PARL: variants seen among roughly 807,000 people sequenced by gnomAD.
PARL encodes presenilin associated rhomboid like, also known as presenilin-associated rhomboid-like protein, mitochondrial.
Under a neutral mutation model 51.6 loss-of-function variants are expected in PARL, and 44 were observed. That is an observed-to-expected ratio of 0.85 (90% CI 0.67 to 1.10). PARL has a LOEUF of 1.10. PARL is among the 50% of genes least tolerant of loss of function. The pLI is 0.00. For synonymous variants in PARL, 172 were observed against 164.0 expected (o/e 1.05, Z -0.37); for missense variants, 441 against 469.5 (o/e 0.94, Z 0.56).
At chr3:183,882,251 A>ATATATATATATATATATATT (rs1734591341) in intron 1 of PARL, among the ~76,000 whole-genome samples, 2 of 50,688 alleles carry the variant, frequency 3.9e-5, no homozygotes, top group East Asian at 5.3e-4. Flanking sequence ...ATATTTATAT[A>ATATATATATATATATATATT]TATATATATA....
At chr3:183,865,841 C>T (rs115127029) in intron 3 of PARL, among the ~76,000 whole-genome samples, 8 of 152,130 alleles carry the variant, frequency 5.3e-5, no homozygotes, top group African/African-American at 1.9e-4. Flanking sequence ...GAGACATCCT[C>T]CACGCAGAAA....
chr3:183,876,336 T>C, intron 1 of PARL, among the ~76,000 whole-genome samples: 1 of 152,118 alleles, frequency 6.6e-6, no homozygotes, highest in Non-Finnish European at 1.5e-5. Flanking sequence ...CGCAATCCAC[T>C]GTGCCCAAAC....
At chr3:183,859,172 T>G (rs535499529) in intron 4 of PARL, among the ~76,000 whole-genome samples, 19 of 151,924 alleles carry the variant, frequency 1.3e-4, no homozygotes, top group African/African-American at 4.6e-4. Context: ...CGGGCACTTA[T>G]AGGCTGAGGA....
At chr3:183,867,713 A>T in intron 2 of PARL, 152 bp downstream of exon 2, 1 of 666,146 alleles carries the variant, frequency 1.5e-6, no homozygotes, top group Non-Finnish European at 2.6e-6. Flanking sequence ...AAAAAAAAAA[A>T]AAATTCAGAC....
downstream of PARL, among the ~76,000 whole-genome samples, chr3:183,828,298 TCC>T (rs1448286647): frequency 5.3e-5 from 8 of 152,344 alleles, no homozygotes; most frequent in African/African-American, 1.9e-4. Context: ...AGAGGGAATG[TCC>T]CTATGAACTC....
intron 1 of PARL, among the ~76,000 whole-genome samples, chr3:183,870,565 TGGA>T (rs1427574143): frequency 6.6e-6 from 1 of 152,118 alleles, no homozygotes; most frequent in Non-Finnish European, 1.5e-5. Context: ...CCTTCTGGCC[TGGA>T]ATACGCCACC....
chr3:183,829,515 A>T lies in PARL; in HGVS notation c.*83T>A. On this transcript the variant is annotated 3_prime_UTR_variant, in exon 10 of 10. Coordinates refer to ENST00000317096, the MANE Select transcript of PARL (RefSeq NM_018622.7). ...ATGCTGGCATCTTCCAGACGGGAGC[A>T]TAGCCATGGTCACTCTAGCCGATGT... 1 of 1,613,510 alleles carries T rather than the reference A, an allele frequency of 6.2e-7. No individual in the cohort carries two copies. Among genetic ancestry groups the T allele is most frequent in the East Asian group, 2.2e-5 (1 of 44,888 alleles).
intron 7 of PARL, among the ~76,000 whole-genome samples, chr3:183,834,835 GT>G (rs1728359117): frequency 7.0e-6 from 1 of 143,182 alleles, no homozygotes; most frequent in Non-Finnish European, 1.5e-5. Flanking sequence ...GAGGTCAGGA[GT>G]TTGAGACCAG....
At chr3:183,829,838 A>C in intron 9 of PARL, 129 bp from the exon 10 acceptor site, 1 of 779,924 alleles carries the variant, frequency 1.3e-6, no homozygotes, top group Non-Finnish European at 2.3e-6. Flanking sequence ...ATTAAAACTG[A>C]CTCACATCGA....
chr3:183,828,823 CAAG>C (rs1188565721), downstream of PARL, among the ~76,000 whole-genome samples: 3 of 152,204 alleles, frequency 2.0e-5, no homozygotes, highest in South Asian at 2.1e-4. Context: ...TAAATGACTT[CAAG>C]AAGAACATAC....
chr3:183,852,777 C>A (rs982204648), intron 4 of PARL, among the ~76,000 whole-genome samples: 1 of 151,618 alleles, frequency 6.6e-6, no homozygotes. Context: ...TTAAAAAATA[C>A]AAAAAAAATT....
chr3:183,853,171 C>T (rs1023682322), intron 4 of PARL, among the ~76,000 whole-genome samples: 3 of 151,972 alleles, frequency 2.0e-5, no homozygotes, highest in Admixed American at 6.6e-5. Flanking sequence ...TCAAAAGATA[C>T]AATCAAAAGA....
chr3:183,835,637 C>G lies in PARL; in HGVS notation c.829-1812G>C, dbSNP rs530553873. On this transcript the variant is annotated intron_variant, in intron 7 of 9. Coordinates refer to ENST00000317096, the MANE Select transcript of PARL (RefSeq NM_018622.7). ...ATCCCAGCACTCTGAGGGGCCGAGG[C>G]AGGTGGATCACCTGAGGTCAGGAGT... Among the ~76,000 whole-genome samples the G allele has an allele frequency of 3.3e-5, 5 of 152,216 alleles. No homozygotes were observed. In the East Asian group the frequency reaches 9.7e-4, roughly 29 times the overall value.
chr3:183,871,984 T>C (rs893851331), intron 1 of PARL, among the ~76,000 whole-genome samples: 1 of 150,720 alleles, frequency 6.6e-6, no homozygotes, highest in African/African-American at 2.4e-5. Context: ...CTACTACTAT[T>C]ACTTGCCTAG....
intron 3 of PARL, among the ~76,000 whole-genome samples, chr3:183,864,543 G>A (rs952561453): frequency 1.3e-5 from 2 of 152,104 alleles, no homozygotes; most frequent in African/African-American, 2.4e-5. Context: ...TTTGGAGGCC[G>A]AGGTGGGCAG....
intron 1 of PARL, among the ~76,000 whole-genome samples, chr3:183,872,983 T>C (rs1292934218): frequency 6.6e-6 from 1 of 152,164 alleles, no homozygotes; most frequent in Non-Finnish European, 1.5e-5. Flanking sequence ...TAACTCCCCT[T>C]CTTATTTAAA....
chr3:183,839,740 AT>A lies in PARL; in HGVS notation c.828+829del, dbSNP rs1303830850. Among the ~76,000 whole-genome samples, 107 of 133,478 alleles carry A rather than the reference AT, an allele frequency of 8.0e-4. No homozygotes were observed. The South Asian group carries it at 9.7e-3, about 12-fold the overall frequency. 87.6% of individuals were successfully genotyped at this position (133,478 alleles called of 152,430 possible). ...AGCCTCAAAACACACTTAAAAAAAA[AT>A]TTTTTTTTTGAGATAGGGTCTTGCT... On this transcript the variant is annotated intron_variant, in intron 7 of 9. Coordinates refer to ENST00000317096, the MANE Select transcript of PARL (RefSeq NM_018622.7).
At chr3:183,829,757 A>C in intron 9 of PARL, 48 bp from the exon 10 acceptor site, 1 of 1,425,796 alleles carries the variant, frequency 7.0e-7, no homozygotes, top group Non-Finnish European at 9.9e-7. Flanking sequence ...GTGACATACA[A>C]ATGGTAAGTA....
intron 1 of PARL, among the ~76,000 whole-genome samples, chr3:183,873,543 C>T (rs1047059893): frequency 4.4e-5 from 5 of 113,088 alleles, no homozygotes; most frequent in Admixed American, 1.8e-4. Flanking sequence ...AGCAAGACTC[C>T]GTCTCAAAAA....
Sources: gnomAD v4.1 joint callset for allele counts (sites outside exome capture counted in the v4.1 genomes callset) on GRCh38, gnomAD v4.1.1 for gene constraint, MANE v1.5 for transcripts, NCBI Gene and HGNC (gene_info 2026-07-23, HGNC 2026-07-21) for gene names.